The following BANK1 variants were observed in gnomAD, a reference collection of about 807,000 sequenced individuals.
BANK1 encodes B cell scaffold protein with ankyrin repeats 1, also known as B-cell scaffold protein with ankyrin repeats.
In BANK1, 95 loss-of-function variants were observed where a neutral mutation model predicts 94.5. The ratio of observed to expected loss-of-function variants is 1.00; its 90% CI spans 0.85 to 1.19. The LOEUF (loss-of-function observed/expected upper bound fraction) is 1.19. Among genes scored for constraint, BANK1 ranks in the 50% most tolerant of loss-of-function variants. The probability of loss-of-function intolerance (pLI) is 0.00; values close to 1 mark genes in which losing one functional copy is unlikely to be tolerated. For synonymous variants in BANK1, 334 were observed against 308.4 expected, an observed-to-expected ratio of 1.08 and a Z score of -0.87; for missense variants, 987 against 932.2, an observed-to-expected ratio of 1.06 and a Z score of -0.77.
At chr4:101,871,070 C>T (rs530448312) in intron 5 of BANK1, among the ~76,000 whole-genome samples, 53 of 152,188 alleles carry the variant, frequency 3.5e-4, no homozygotes, top group African/African-American at 1.2e-3. Context: ...AAAAAGGGAA[C>T]GTGTGGTGTC....
intron 3 of BANK1, among the ~76,000 whole-genome samples, chr4:101,858,111 T>C (rs1165289793): frequency 6.6e-6 from 1 of 152,198 alleles, no homozygotes; most frequent in South Asian, 2.1e-4. Flanking sequence ...CCTGATCTAT[T>C]TTTTAGTAAC....
At chr4:101,831,474 GTT>G (rs1726617783) in intron 2 of BANK1, among the ~76,000 whole-genome samples, 1 of 151,920 alleles carries the variant, frequency 6.6e-6, no homozygotes, top group Non-Finnish European at 1.5e-5. Flanking sequence ...TGGTTTTTTT[GTT>G]TGTTTTGTTT....
chr4:101,823,342 A>G (rs1476512369), intron 1 of BANK1, among the ~76,000 whole-genome samples: 1 of 152,202 alleles, frequency 6.6e-6, no homozygotes, highest in Non-Finnish European at 1.5e-5. Flanking sequence ...ATAATCACGT[A>G]TTTTATGAAT....
At chr4:101,836,325 C>G (rs1297628720) in intron 2 of BANK1, among the ~76,000 whole-genome samples, 1 of 151,962 alleles carries the variant, frequency 6.6e-6, no homozygotes, top group African/African-American at 2.4e-5. Flanking sequence ...ACTGAAAATA[C>G]AAAAATTAGC....
intron 7 of BANK1, among the ~76,000 whole-genome samples, chr4:101,971,250 G>T (rs1724942231): frequency 6.6e-6 from 1 of 152,066 alleles, no homozygotes. Flanking sequence ...GAGGTATTTT[G>T]TGGCTTTTAA....
At chr4:101,846,710 C>G (rs923012800) in intron 2 of BANK1, among the ~76,000 whole-genome samples, 3 of 152,172 alleles carry the variant, frequency 2.0e-5, no homozygotes, top group African/African-American at 7.2e-5. Flanking sequence ...TGAGAACTGA[C>G]TCACTATCAT....
At chr4:102,029,917 A>G in intron 9 of BANK1, 43 bp from the exon 10 acceptor site, 1 of 1,532,664 alleles carries the variant, frequency 6.5e-7, no homozygotes, top group South Asian at 1.3e-5. Context: ...ATAATGTTGC[A>G]TGTAACAGAA....
chr4:101,875,710 A>G (rs1472721681), intron 5 of BANK1, among the ~76,000 whole-genome samples: 3 of 152,186 alleles, frequency 2.0e-5, no homozygotes, highest in African/African-American at 7.2e-5. Context: ...GAGCATGTAA[A>G]CCAGCCCTAG....
intron 8 of BANK1, among the ~76,000 whole-genome samples, chr4:102,021,845 C>A (rs1299715101): frequency 1.3e-5 from 2 of 152,034 alleles, no homozygotes; most frequent in African/African-American, 2.4e-5. Context: ...ACAAATAACT[C>A]TGTTATGACT....
At chr4:101,948,863 GA>G (rs1724033950) in intron 7 of BANK1, among the ~76,000 whole-genome samples, 1 of 152,094 alleles carries the variant, frequency 6.6e-6, no homozygotes, top group Non-Finnish European at 1.5e-5. Context: ...GACACAGGAG[GA>G]AAAATAGTAA....
intron 2 of BANK1, among the ~76,000 whole-genome samples, chr4:101,846,279 C>T (rs1194843789): frequency 5.9e-5 from 9 of 152,154 alleles, no homozygotes; most frequent in Non-Finnish European, 1.3e-4. Context: ...TTTGTAGGGA[C>T]ATGGATGAAG....
At chr4:101,802,318 C>A (rs1247320368) in intron 1 of BANK1, among the ~76,000 whole-genome samples, 1 of 152,150 alleles carries the variant, frequency 6.6e-6, no homozygotes, top group Non-Finnish European at 1.5e-5. Context: ...GTGACATAAT[C>A]AGAATTGCCT....
At chr4:102,039,079 T>C (rs1224011520) in intron 10 of BANK1, among the ~76,000 whole-genome samples, 3 of 152,166 alleles carry the variant, frequency 2.0e-5, no homozygotes, top group African/African-American at 4.8e-5. Context: ...ATATTCTGGC[T>C]GACCATTTAC....
chr4:101,950,907 A>C (rs1407467096), intron 7 of BANK1, among the ~76,000 whole-genome samples: 1 of 152,188 alleles, frequency 6.6e-6, no homozygotes, highest in African/African-American at 2.4e-5. Flanking sequence ...GAAAAACATT[A>C]AGTCTCTCTG....
intron 1 of BANK1, among the ~76,000 whole-genome samples, chr4:101,820,378 G>A (rs1160101176): frequency 2.6e-5 from 4 of 152,282 alleles, no homozygotes; most frequent in African/African-American, 7.2e-5. Context: ...GATTCAAGAG[G>A]CAACCAGTGA....
intron 7 of BANK1, among the ~76,000 whole-genome samples, chr4:102,012,023 G>A (rs754161054): frequency 6.6e-6 from 1 of 152,074 alleles, no homozygotes; most frequent in Non-Finnish European, 1.5e-5. Flanking sequence ...ATTCATGAAG[G>A]ATATGTATGT....
intron 3 of BANK1, among the ~76,000 whole-genome samples, chr4:101,860,944 G>A (rs1432350174): frequency 6.6e-6 from 1 of 152,188 alleles, no homozygotes; most frequent in African/African-American, 2.4e-5. Flanking sequence ...ACATTATTTG[G>A]CTCTTAAAGA....
chr4:101,884,550 G>C (rs1728780686), intron 5 of BANK1, among the ~76,000 whole-genome samples: 1 of 151,910 alleles, frequency 6.6e-6, no homozygotes, highest in Non-Finnish European at 1.5e-5. Flanking sequence ...TTATCTCATT[G>C]GTTCTTAAGA....
intron 7 of BANK1, among the ~76,000 whole-genome samples, chr4:101,962,891 T>C (rs1724621400): frequency 6.6e-6 from 1 of 152,132 alleles, no homozygotes; most frequent in African/African-American, 2.4e-5. Context: ...TAGGTCATCA[T>C]TGATATATGT....
Sources: gnomAD v4.1 joint callset for allele counts (sites outside exome capture counted in the v4.1 genomes callset) on GRCh38, gnomAD v4.1.1 for gene constraint, MANE v1.5 for transcripts, NCBI Gene and HGNC (gene_info 2026-07-23, HGNC 2026-07-21) for gene names.